Variants in CRADD observed in about 807,000 individuals in gnomAD.
The protein encoded by CRADD is death domain-containing protein CRADD.
CRADD carries 9 observed loss-of-function variants against 15.5 expected under a neutral mutation model. The observed-to-expected ratio is 0.58, with a 90% CI of 0.35 to 1.01. The LOEUF (loss-of-function observed/expected upper bound fraction) is 1.01. Ranked by LOEUF, CRADD falls within the 50% of genes least tolerant of loss-of-function variation. CRADD has a pLI of 0.02. For synonymous variants in CRADD, 118 were observed against 107.6 expected, an observed-to-expected ratio of 1.10 and a Z score of -0.60; for missense variants, 227 against 250.3, an observed-to-expected ratio of 0.91 and a Z score of 0.63.
At chr12:93,770,343 C>T (rs1015572521) in intron 2 of CRADD, among the ~76,000 whole-genome samples, 2 of 151,964 alleles carry the variant, frequency 1.3e-5, no homozygotes, top group East Asian at 1.9e-4. Context: ...GTGATCCGCC[C>T]GCCTCGGCCT....
chr12:93,892,548 A>G (rs1370656906), intron 2 of CRADD, among the ~76,000 whole-genome samples: 3 of 150,796 alleles, frequency 2.0e-5, no homozygotes, highest in South Asian at 2.1e-4. Flanking sequence ...TTTGGTTCGG[A>G]GTGTCACTCC....
intron 2 of CRADD, among the ~76,000 whole-genome samples, chr12:93,884,561 C>T (rs970145866): frequency 2.0e-5 from 3 of 152,124 alleles, no homozygotes; most frequent in South Asian, 2.1e-4. Flanking sequence ...GAATTTGCAG[C>T]GAGGAGGAAC....
At chr12:93,880,645 G>A (rs138852077) in intron 2 of CRADD, among the ~76,000 whole-genome samples, 5 of 151,930 alleles carry the variant, frequency 3.3e-5, no homozygotes, top group East Asian at 3.9e-4. Context: ...CACTCTCCCC[G>A]GTACATCCCA....
chr12:93,709,029 G>C (rs909193135), intron 2 of CRADD: 8 of 152,340 alleles, frequency 5.3e-5, no homozygotes, highest in East Asian at 1.9e-4. Context: ...GTTCATGAAG[G>C]CTCTGCCAAA....
rs543592365 is a variant in CRADD at position 93,848,494 on chromosome 12, G to A, written c.299-1476G>A. On this transcript the variant is annotated intron_variant, in intron 2 of 2. Transcript: ENST00000332896. Reference sequence around the variant, plus strand: ...ATCCCTGTGATGCTGATGGATGGGAGTATAGTGTACTGTGCTGTCAAACAA... The same window carrying A: ...ATCCCTGTGATGCTGATGGATGGGAATATAGTGTACTGTGCTGTCAAACAA... Among the ~76,000 whole-genome samples the A allele has an allele frequency of 3.9e-5, 6 of 152,314 alleles. No homozygotes were observed. The South Asian group carries it at 1.0e-3, about 26-fold the overall frequency.
chr12:93,877,856 C>A (rs748668104), intron 2 of CRADD, among the ~76,000 whole-genome samples: 6 of 152,094 alleles, frequency 3.9e-5, no homozygotes, highest in African/African-American at 7.2e-5. Context: ...TGTGGCTGTG[C>A]TAGTACCTAA....
chr12:93,849,530 C>T (rs947045312), intron 2 of CRADD, among the ~76,000 whole-genome samples: 1 of 152,090 alleles, frequency 6.6e-6, no homozygotes, highest in Admixed American at 6.5e-5. Context: ...CACCTGAGGT[C>T]AGGAGTTCAA....
intron 2 of CRADD, among the ~76,000 whole-genome samples, chr12:93,892,098 G>T (rs1009134885): frequency 6.6e-6 from 1 of 152,248 alleles, no homozygotes; most frequent in South Asian, 2.1e-4. Context: ...GGAGATATAC[G>T]TTGTGCACAA....
At chr12:93,712,393 C>T (rs1465144457) in intron 2 of CRADD, among the ~76,000 whole-genome samples, 1 of 152,172 alleles carries the variant, frequency 6.6e-6, no homozygotes, top group Non-Finnish European at 1.5e-5. Flanking sequence ...ATCTTTTTTA[C>T]AGCTCATCCG....
chr12:93,871,787 C>A (rs1380280460), intron 2 of CRADD, among the ~76,000 whole-genome samples: 2 of 151,996 alleles, frequency 1.3e-5, no homozygotes, highest in African/African-American at 4.8e-5. Context: ...GTATATGTAC[C>A]ACATTTTCTT....
intron 2 of CRADD, among the ~76,000 whole-genome samples, chr12:93,826,333 T>C (rs999932869): frequency 1.3e-5 from 2 of 152,222 alleles, no homozygotes; most frequent in African/African-American, 4.8e-5. Flanking sequence ...AAAACCGCCT[T>C]TAATAGCTGG....
chr12:93,794,408 C>A (rs1459293774), intron 2 of CRADD, among the ~76,000 whole-genome samples: 2 of 152,042 alleles, frequency 1.3e-5, no homozygotes, highest in African/African-American at 4.8e-5. Context: ...CTCTTGGTAC[C>A]CCCATCTCAG....
chr12:93,855,558 A>G (rs1189876082), downstream of CRADD, among the ~76,000 whole-genome samples: 4 of 152,236 alleles, frequency 2.6e-5, no homozygotes, highest in African/African-American at 9.6e-5. Context: ...CAGAGGAGAA[A>G]TGATCCATTT....
At position 93,820,670 on chromosome 12, in the gene CRADD, G is replaced by A. The variant is rs1323467629; in HGVS notation, c.299-29300G>A. Reference sequence around the variant, plus strand: ...CTTGCCACTTAGCTGGTGCTCATGTGTTTGCCACACTGGCTTGACCAAGTA... The same window carrying A: ...CTTGCCACTTAGCTGGTGCTCATGTATTTGCCACACTGGCTTGACCAAGTA... On this transcript the variant is annotated intron_variant, in intron 2 of 2. Coordinates refer to ENST00000332896, the MANE Select transcript of CRADD (RefSeq NM_003805.5). Among the ~76,000 whole-genome samples the A allele has an allele frequency of 2.0e-5, 3 of 152,336 alleles. No homozygotes were observed. The East Asian group carries it at 5.8e-4, about 29-fold the overall frequency.
intron 2 of CRADD, among the ~76,000 whole-genome samples, chr12:93,884,209 T>C (rs559850046): frequency 1.6e-4 from 25 of 152,330 alleles, no homozygotes; most frequent in African/African-American, 5.1e-4. Context: ...GTACTGCATT[T>C]TATTAATTGA....
chr12:93,801,305 C>T lies in CRADD; in HGVS notation c.299-48665C>T, dbSNP rs557257882. Among the ~76,000 whole-genome samples the T allele has an allele frequency of 7.2e-5, 11 of 152,346 alleles. No individual in the cohort carries two copies. In the South Asian group the frequency reaches 2.3e-3, roughly 32 times the overall value. Reference sequence around the variant, plus strand: ...GTAGTTTCCTAATTCCTACATTCTTCTGCATTTATTAGCTGGTATTGATCT... The same window carrying T: ...GTAGTTTCCTAATTCCTACATTCTTTTGCATTTATTAGCTGGTATTGATCT... On this transcript the variant is annotated intron_variant, in intron 2 of 2. Coordinates refer to ENST00000332896, the MANE Select transcript of CRADD (RefSeq NM_003805.5).
chr12:93,858,121 G>T (rs1958289985), intron 2 of CRADD, among the ~76,000 whole-genome samples: 1 of 152,084 alleles, frequency 6.6e-6, no homozygotes, highest in South Asian at 2.1e-4. Context: ...ACTCATTATT[G>T]TCAGCTGCTG....
intron 2 of CRADD, among the ~76,000 whole-genome samples, chr12:93,784,849 A>G (rs1957259038): frequency 6.6e-6 from 1 of 152,222 alleles, no homozygotes; most frequent in Non-Finnish European, 1.5e-5. Flanking sequence ...ATAAAAACAA[A>G]TGTCAAAGAA....
chr12:93,892,485 T>G (rs1958582976), intron 2 of CRADD, among the ~76,000 whole-genome samples: 1 of 152,098 alleles, frequency 6.6e-6, no homozygotes, highest in Non-Finnish European at 1.5e-5. Flanking sequence ...GTGAGAGCGT[T>G]TTACCACAGT....
Sources: gnomAD v4.1 joint callset for allele counts (sites outside exome capture counted in the v4.1 genomes callset) on GRCh38, gnomAD v4.1.1 for gene constraint, MANE v1.5 for transcripts, NCBI Gene and HGNC (gene_info 2026-07-23, HGNC 2026-07-21) for gene names.